The following DNAH6 variants were observed in gnomAD, a reference collection of about 807,000 sequenced individuals.
DNAH6 encodes dynein axonemal heavy chain 6.
Under a neutral mutation model 491.4 loss-of-function variants are expected in DNAH6, and 340 were observed. That is an observed-to-expected ratio of 0.69 (90% confidence interval 0.63 to 0.76). The LOEUF is 0.76. Ranked by LOEUF, DNAH6 falls within the 30% of genes least tolerant of loss-of-function variation. The probability of loss-of-function intolerance (pLI) is 0.00; values close to 1 mark genes in which losing one functional copy is unlikely to be tolerated. For synonymous variants in DNAH6, 1,603 were observed against 1,686.1 expected (o/e 0.95, Z 1.21); for missense variants, 4,443 against 4,972.2 (o/e 0.89, Z 3.20).
chr2:84,544,480 A>C lies in DNAH6; in HGVS notation c.910A>C (p.Asn304His). Reference protein sequence around the residue: ...ITGCQKSLQKNLFIVNPHLRP... With the variant: ...ITGCQKSLQKHLFIVNPHLRP... ...TGGATGTCAAAAATCTCTACAAAAA[A>C]ATTTGTTCATTGTTAATCCTGTATG... is the stretch of plus-strand genomic sequence containing the variant. The change falls in exon 5 of 77, where the codon AAT (asparagine) becomes CAT (histidine). Residue 304 changes from asparagine (N) to histidine (H), a missense_variant. Physicochemically the swap from Asn to His is moderately conservative, Grantham distance 68 (BLOSUM62 1). Around this residue, in one of 3 missense-constraint regions of DNAH6, gnomAD observed 2,977 missense variants for 3,296.6 expected, o/e 0.90. Coordinates refer to ENST00000389394, the MANE Select transcript of DNAH6 (RefSeq NM_001370.2). The C allele has an allele frequency of 2.0e-6, 3 of 1,493,714 alleles. No homozygotes were observed. The highest frequency in any genetic ancestry group is 2.7e-6 in the Non-Finnish European group (3 of 1,095,134). 92.5% of individuals were successfully genotyped at this position (1,493,714 alleles called of 1,614,324 possible).
At chr2:84,552,048 CA>C (rs34353031) in intron 9 of DNAH6, among the ~76,000 whole-genome samples, 19,865 of 70,742 alleles carry the variant, frequency 0.28, 1,255 homozygotes, top group African/African-American at 0.39. Context: ...AACTCCGTCT[CA>C]AAAAAAAAAA....
intron 64 of DNAH6, among the ~76,000 whole-genome samples, chr2:84,772,313 T>TA (rs1675706362): frequency 1.3e-5 from 2 of 152,000 alleles, no homozygotes; most frequent in Admixed American, 6.6e-5. Flanking sequence ...ATATGACATG[T>TA]AAAAAAATCA....
the DNAH6 span, among the ~76,000 whole-genome samples, chr2:84,504,704 A>G: frequency 3.5e-3 from 537 of 152,300 alleles, 3 homozygotes; most frequent in African/African-American, 0.012. Flanking sequence ...GAAGAATTCT[A>G]TTATATTCAT....
upstream of DNAH6, among the ~76,000 whole-genome samples, chr2:84,513,204 A>G (rs764838065): frequency 6.6e-6 from 1 of 151,760 alleles, no homozygotes; most frequent in Non-Finnish European, 1.5e-5. Context: ...TAAGTGGACC[A>G]TACTTTCTTT....
the DNAH6 span, among the ~76,000 whole-genome samples, chr2:84,470,912 G>A: frequency 6.6e-6 from 1 of 152,224 alleles, no homozygotes; most frequent in Non-Finnish European, 1.5e-5. Flanking sequence ...TGGGAGCCAT[G>A]CTATTTATTG....
rs116693971 is a variant in DNAH6 at position 84,549,957 on chromosome 2, C to T, written c.1385C>T (p.Ser462Leu). 3,567 of 1,613,588 alleles carry T rather than the reference C, an allele frequency of 2.2e-3. 4 individuals carry two copies. The highest frequency in any genetic ancestry group is 2.7e-3 in the Non-Finnish European group (3,140 of 1,179,688). The change falls in exon 9 of 77, where the codon TCG (serine) becomes TTG (leucine). Residue 462 changes from serine to leucine, a missense_variant. Ser to Leu is a moderately radical substitution (Grantham distance 145). This residue lies in a region of DNAH6 where 2,977 missense variants were observed against 3,296.6 expected (regional missense o/e 0.90). Coordinates refer to ENST00000389394, the MANE Select transcript of DNAH6 (RefSeq NM_001370.2). ...ATCTTAACGGTAAATGCTGTTAATT[C>T]GCTTTTGAACCATCTCACTGACAAG... ...MHILTVNAVNSLLNHLTDKLK... is the reference protein window; with the variant it reads ...MHILTVNAVNLLLNHLTDKLK...
intron 40 of DNAH6, among the ~76,000 whole-genome samples, chr2:84,674,661 C>T (rs1481884552): frequency 6.6e-6 from 1 of 152,130 alleles, no homozygotes; most frequent in Non-Finnish European, 1.5e-5. Flanking sequence ...TTTTTACTTT[C>T]CAAATAAGTT....
upstream of DNAH6, among the ~76,000 whole-genome samples, chr2:84,511,465 G>A (rs188274855): frequency 1.3e-4 from 20 of 152,242 alleles, no homozygotes; most frequent in Admixed American, 4.6e-4. Context: ...TCCAGGTGCC[G>A]TCCATCACCC....
At chr2:84,501,156 A>G in the DNAH6 span, among the ~76,000 whole-genome samples, 1 of 152,156 alleles carries the variant, frequency 6.6e-6, no homozygotes, top group African/African-American at 2.4e-5. Context: ...GACACTAGCT[A>G]TGGGTCTGTC....
rs1450075442 is a variant in DNAH6, at chr2:84,784,789, A to G, written c.10932A>G (p.Thr3644=). Residue 3644 remains threonine, a synonymous_variant, in exon 66 of 77, where the codon ACA becomes ACG. Transcript: ENST00000389394. Reference sequence around the variant, plus strand: ...TGCCTAGTAATACATTTCCTGTTACAGTTCTTCAAAATTCTGTCAAGGTAA... The same window carrying G: ...TGCCTAGTAATACATTTCCTGTTACGGTTCTTCAAAATTCTGTCAAGGTAA... ...SSMPSNTFPV[T]VLQNSVKVTN... is the part of the protein sequence containing the mutation. 1 of 1,549,564 alleles carries G rather than the reference A, an allele frequency of 6.5e-7. No homozygotes were observed. The highest frequency in any genetic ancestry group is 8.7e-7 in the Non-Finnish European group (1 of 1,145,282).
intron 49 of DNAH6, among the ~76,000 whole-genome samples, chr2:84,701,835 G>A (rs1311694396): frequency 6.6e-6 from 1 of 152,140 alleles, no homozygotes; most frequent in Non-Finnish European, 1.5e-5. Flanking sequence ...ATTTGGGTGG[G>A]GACACAGATC....
At chr2:84,730,992 G>T (rs531714329) in intron 61 of DNAH6, among the ~76,000 whole-genome samples, 7 of 152,292 alleles carry the variant, frequency 4.6e-5, no homozygotes, top group Non-Finnish European at 8.8e-5. Flanking sequence ...TCGCATACTG[G>T]CTCCCCAGCA....
chr2:84,805,401 AG>A (rs1246796107), intron 70 of DNAH6, among the ~76,000 whole-genome samples: 1 of 152,238 alleles, frequency 6.6e-6, no homozygotes, highest in African/African-American at 2.4e-5. Flanking sequence ...ACTAATCAAC[AG>A]GCATAAAGTT....
intron 66 of DNAH6, 74 bp downstream of exon 66, chr2:84,784,884 T>C (rs769698595): frequency 1.9e-6 from 2 of 1,064,144 alleles, no homozygotes; most frequent in Non-Finnish European, 2.8e-6. Flanking sequence ...TCCCAGGAGA[T>C]CAGAGCCTGC....
intron 2 of DNAH6, among the ~76,000 whole-genome samples, chr2:84,522,855 A>G (rs554138724): frequency 2.0e-5 from 3 of 152,182 alleles, no homozygotes; most frequent in East Asian, 3.9e-4. Flanking sequence ...GTGCTTCTGG[A>G]TTCGATTTGC....
At position 84,764,553 on chromosome 2, in the gene DNAH6, G is replaced by A. The variant is rs539831437; in HGVS notation, c.10703+1608G>A. Reference sequence around the variant, plus strand: ...TTATTTGGCAGTATATATTAAAGTCGGAGGGCATCTTCAATAGCTCAACAA... The same window carrying A: ...TTATTTGGCAGTATATATTAAAGTCAGAGGGCATCTTCAATAGCTCAACAA... On this transcript the variant is annotated intron_variant, in intron 64 of 76. Transcript: ENST00000389394. Among the ~76,000 whole-genome samples, 11 of 152,214 alleles carry A rather than the reference G, an allele frequency of 7.2e-5. No homozygotes were observed. The South Asian group carries it at 1.0e-3, about 14-fold the overall frequency.
Position 84,642,111 on chromosome 2 carries a change from G to T in DNAH6, c.5078+57G>T, listed in dbSNP as rs548168172. Reference sequence around the variant, plus strand: ...GGCTATCACGTAGAGGCAAATGGTAGTCTTTTCTTCAATTATTTCTTTCTC... The same window carrying T: ...GGCTATCACGTAGAGGCAAATGGTATTCTTTTCTTCAATTATTTCTTTCTC... On this transcript the variant is annotated intron_variant, in intron 33 of 76. Transcript: ENST00000389394. 2.5e-5 allele frequency: 28 copies of T among 1,111,806 alleles called. No individual in the cohort carries two copies. The African/African-American group carries it at 4.3e-4, about 17-fold the overall frequency. The allele number at this position is 1,111,806 out of a possible 1,614,324, so 68.9% of individuals were successfully genotyped here. A position where few individuals can be genotyped will look rare whatever the true frequency, so the allele number is the denominator to read the frequency against.
intron 4 of DNAH6, among the ~76,000 whole-genome samples, chr2:84,538,020 T>C (rs968153545): frequency 6.6e-6 from 1 of 152,242 alleles, no homozygotes; most frequent in African/African-American, 2.4e-5. Flanking sequence ...CCACAGCAAC[T>C]CTTTAAGGTA....
At chr2:84,689,102 C>T (rs1694591164) in intron 45 of DNAH6, among the ~76,000 whole-genome samples, 2 of 152,300 alleles carry the variant, frequency 1.3e-5, no homozygotes, top group African/African-American at 2.4e-5. Flanking sequence ...TGAAGTGGCT[C>T]CTGTCCTGTT....
Sources: gnomAD v4.1 joint callset for allele counts (sites outside exome capture counted in the v4.1 genomes callset) on GRCh38, gnomAD v4.1.1 for gene constraint, gnomAD v4.1.1 regional missense constraint, MANE v1.5 for transcripts, NCBI Gene and HGNC (gene_info 2026-07-23, HGNC 2026-07-21) for gene names.